PDE7B: variants seen among roughly 807,000 people sequenced by gnomAD.
PDE7B encodes the protein 3',5'-cyclic-AMP phosphodiesterase 7B.
Under a neutral mutation model 56.2 loss-of-function variants are expected in PDE7B, and 29 were observed. That is an observed-to-expected ratio of 0.52 (90% CI 0.38 to 0.70). The LOEUF (loss-of-function observed/expected upper bound fraction) is 0.70. PDE7B is among the 30% of genes least tolerant of loss of function. The probability of loss-of-function intolerance (pLI) is 0.00; values close to 1 mark genes in which losing one functional copy is unlikely to be tolerated. For synonymous variants in PDE7B, 197 were observed against 196.9 expected, an observed-to-expected ratio of 1.00 and a Z score of 0.00; for missense variants, 490 against 565.0, an observed-to-expected ratio of 0.87 and a Z score of 1.35.
intron 12 of PDE7B, 102 bp downstream of exon 12, chr6:136,187,218 G>GAGTTTAAA: frequency 2.9e-6 from 2 of 685,268 alleles, no homozygotes; most frequent in Admixed American, 5.3e-5. Context: ...ATCAGCACTG[G>GAGTTTAAA]AGGTTTAATC....
chr6:136,023,513 C>T (rs1776104449), intron 2 of PDE7B, among the ~76,000 whole-genome samples: 1 of 152,218 alleles, frequency 6.6e-6, no homozygotes, highest in Non-Finnish European at 1.5e-5. Flanking sequence ...CACTCCTCAA[C>T]AGAGAGGCTG....
chr6:135,973,706 T>G (rs1562457087), intron 2 of PDE7B, among the ~76,000 whole-genome samples: 2 of 152,234 alleles, frequency 1.3e-5, no homozygotes, highest in Non-Finnish European at 2.9e-5. Flanking sequence ...TGATTTGTGT[T>G]TTCCTAATAA....
intron 3 of PDE7B, among the ~76,000 whole-genome samples, chr6:136,142,093 G>T (rs1778336680): frequency 6.6e-6 from 1 of 152,096 alleles, no homozygotes; most frequent in South Asian, 2.1e-4. Flanking sequence ...TGGGCATTTA[G>T]TGCTATAAAT....
intron 1 of PDE7B, among the ~76,000 whole-genome samples, chr6:135,929,853 G>T (rs1044627011): frequency 6.6e-6 from 1 of 152,114 alleles, no homozygotes; most frequent in Non-Finnish European, 1.5e-5. Context: ...GCAGATAAGG[G>T]GAAGCTCCTA....
chr6:136,008,492 C>T (rs1016772389), intron 2 of PDE7B, among the ~76,000 whole-genome samples: 2 of 152,182 alleles, frequency 1.3e-5, no homozygotes, highest in African/African-American at 2.4e-5. Flanking sequence ...CTCTCCAGCA[C>T]CTGTTGTTTC....
intron 3 of PDE7B, among the ~76,000 whole-genome samples, chr6:136,140,383 A>G: frequency 6.6e-6 from 1 of 152,134 alleles, no homozygotes; most frequent in Non-Finnish European, 1.5e-5. Flanking sequence ...GCCTTGCAGT[A>G]TAGTTTGAAG....
In PDE7B at chr6:135,953,723, T is replaced by G. The variant is rs144650098; in HGVS notation, c.82+6199T>G. The stretch of plus-strand genomic sequence containing the variant: ...TCAATTTGGTTCAAGTGAATAGATA[T>G]TTTCAAGTGCATGTTGGCAATTTAG... On this transcript the variant is annotated intron_variant, in intron 2 of 12. Transcript: ENST00000308191. 2.8e-3 allele frequency among the ~76,000 whole-genome samples: 424 copies of G among 152,300 alleles called. 2 individuals carry two copies. The highest frequency in any genetic ancestry group is 9.5e-3 in the African/African-American group (395 of 41,576).
chr6:136,146,169 G>C (rs892772684), intron 3 of PDE7B, among the ~76,000 whole-genome samples: 1 of 152,178 alleles, frequency 6.6e-6, no homozygotes, highest in Non-Finnish European at 1.5e-5. Context: ...AGAGGAAAGG[G>C]GGAGATGGGA....
intron 3 of PDE7B, among the ~76,000 whole-genome samples, chr6:136,146,086 G>C (rs1778408332): frequency 6.6e-6 from 1 of 152,134 alleles, no homozygotes. Context: ...ACTGATTTTG[G>C]TCACTCACTG....
At chr6:136,006,459 G>A (rs572222977) in intron 2 of PDE7B, among the ~76,000 whole-genome samples, 6 of 152,174 alleles carry the variant, frequency 3.9e-5, no homozygotes, top group Non-Finnish European at 7.4e-5. Context: ...AATGTCATTT[G>A]TAGTTTGATA....
At position 136,161,202 on chromosome 6, in the gene PDE7B, T is replaced by C. The variant is rs377760009; in HGVS notation, c.711+5444T>C. On this transcript the variant is annotated intron_variant, in intron 8 of 12. Coordinates refer to ENST00000308191, the MANE Select transcript of PDE7B (RefSeq NM_018945.4). The stretch of plus-strand genomic sequence containing the variant: ...GGACATATTTCCCTCCTGAAAGTCT[T>C]CTTTTTCTCTAAAAATCCATCTTAC... Among the ~76,000 whole-genome samples, 6 of 152,286 alleles carry C rather than the reference T, an allele frequency of 3.9e-5. No individual in the cohort carries two copies. In the South Asian group the frequency reaches 1.2e-3, roughly 32 times the overall value.
intron 8 of PDE7B, among the ~76,000 whole-genome samples, chr6:136,161,794 C>T (rs1341801562): frequency 6.6e-6 from 1 of 152,152 alleles, no homozygotes; most frequent in East Asian, 1.9e-4. Flanking sequence ...ATCAATTACT[C>T]AGTACCCATT....
chr6:136,171,690 GGTTA>G (rs903950841), intron 8 of PDE7B, among the ~76,000 whole-genome samples: 38 of 151,664 alleles, frequency 2.5e-4, no homozygotes, highest in African/African-American at 7.7e-4. Flanking sequence ...ACAATGTGCA[GGTTA>G]GTTACATATG....
chr6:136,059,797 A>G (rs1258820297), intron 2 of PDE7B, among the ~76,000 whole-genome samples: 2 of 152,244 alleles, frequency 1.3e-5, no homozygotes, highest in African/African-American at 2.4e-5. Context: ...GATTGCTTCC[A>G]TAAGTAAAAG....
intron 2 of PDE7B, chr6:136,071,308 T>C (rs1777046504): frequency 6.6e-6 from 1 of 152,142 alleles, no homozygotes; most frequent in Non-Finnish European, 1.5e-5. Flanking sequence ...AATAAATATA[T>C]TGAAAATAAC....
At chr6:136,125,607 T>A (rs573199632) in intron 3 of PDE7B, among the ~76,000 whole-genome samples, 1 of 151,950 alleles carries the variant, frequency 6.6e-6, no homozygotes. Context: ...TATATATATA[T>A]AGGTAAAAAT....
At chr6:136,008,592 G>A (rs1298448875) in intron 2 of PDE7B, among the ~76,000 whole-genome samples, 1 of 152,228 alleles carries the variant, frequency 6.6e-6, no homozygotes, top group Non-Finnish European at 1.5e-5. Flanking sequence ...CAGTGAGGAT[G>A]AGCATTTTTT....
rs530590247 is a variant in PDE7B at position 136,014,960 on chromosome 6, G to T, written c.82+67436G>T. On this transcript the variant is annotated intron_variant, in intron 2 of 12. Transcript: ENST00000308191. ...AAAGCTTAAATACCCTATGAGAGCT[G>T]CAAGGAATTCTGAAAAATTACGTTG... Among the ~76,000 whole-genome samples the T allele has an allele frequency of 7.9e-5, 12 of 152,326 alleles. No individual in the cohort carries two copies. In the South Asian group the frequency reaches 1.7e-3, roughly 21 times the overall value.
intron 1 of PDE7B, among the ~76,000 whole-genome samples, chr6:135,902,098 G>A (rs17065090): frequency 0.078 from 11,942 of 152,164 alleles, 766 homozygotes; most frequent in East Asian, 0.19. Flanking sequence ...CTTTGCAAAT[G>A]TGGCTCTCAG....
Sources: gnomAD v4.1 joint callset for allele counts (sites outside exome capture counted in the v4.1 genomes callset) on GRCh38, gnomAD v4.1.1 for gene constraint, MANE v1.5 for transcripts, NCBI Gene and HGNC (gene_info 2026-07-23, HGNC 2026-07-21) for gene names.